Variants in DLG5 observed in about 807,000 individuals in gnomAD.
The protein encoded by DLG5 is disks large homolog 5.
In DLG5, 48 loss-of-function variants were observed where a neutral mutation model predicts 189.8. That is an observed-to-expected ratio of 0.25 (90% CI 0.20 to 0.32). The LOEUF (loss-of-function observed/expected upper bound fraction) is 0.32, where lower values mean the gene tolerates loss of function less well. Among genes scored for constraint, DLG5 ranks in the 10% least tolerant of loss-of-function variants. DLG5 has a pLI of 1.00. For missense variants in DLG5, 2,160 were observed against 2,544.7 expected (o/e 0.85, Z 3.25); for synonymous variants, 1,016 against 1,054.1 (o/e 0.96, Z 0.70).
Position 77,812,370 on chromosome 10 carries a change from C to T in DLG5, c.4033G>A (p.Val1345Met), listed in dbSNP as rs767197360. ...LGERRKDRPY[V>M]EEPRHVKVQK... Reference sequence around the variant, plus strand: ...ACCTTCACGTGGCGTGGCTCCTCCACATAAGGCCTAAGGAAAAGTCAAAAG... The same window carrying T: ...ACCTTCACGTGGCGTGGCTCCTCCATATAAGGCCTAAGGAAAAGTCAAAAG... Residue 1345 changes from valine to methionine, a missense_variant, in exon 21 of 32, where the codon GTG becomes ATG. Around this residue, in one of 5 missense-constraint regions of DLG5, gnomAD observed 754 missense variants for 746.5 expected, o/e 1.01. Coordinates refer to ENST00000372391, the MANE Select transcript of DLG5 (RefSeq NM_004747.4). 6.2e-6 allele frequency: 10 copies of T among 1,610,578 alleles called. No homozygotes were observed. The highest frequency in any genetic ancestry group is 1.7e-4 in the Middle Eastern group (1 of 6,052).
intron 27 of DLG5, among the ~76,000 whole-genome samples, chr10:77,800,889 C>T (rs1841170122): frequency 6.6e-6 from 1 of 152,030 alleles, no homozygotes; most frequent in African/African-American, 2.4e-5. Context: ...GCTGGGACCA[C>T]TGGTGGGCCA....
intron 4 of DLG5, 57 bp downstream of exon 4, chr10:77,854,170 G>A: frequency 6.3e-7 from 1 of 1,590,448 alleles, no homozygotes; most frequent in South Asian, 1.2e-5. Context: ...GAGAAAAGAA[G>A]GGCAAAGGCA....
At chr10:77,879,166 T>C (rs892313353) in intron 1 of DLG5, among the ~76,000 whole-genome samples, 1 of 152,194 alleles carries the variant, frequency 6.6e-6, no homozygotes, top group African/African-American at 2.4e-5. Context: ...GTGGCTATTG[T>C]ACAGCGGTGG....
chr10:77,807,940 C>T lies in DLG5; in HGVS notation c.4652G>A (p.Gly1551Asp). The change falls in exon 25 of 32, where the codon GGC (glycine) becomes GAC (aspartate). Residue 1551 changes from glycine (G) to aspartate (D), a missense_variant. Transcript: ENST00000372391. ...LVPGDLILEY[G>D]SLDVRNKTVE... is the part of the protein sequence containing the mutation. ...TGTCTTGTTCCGCACGTCCAGGCTGCCATACTGCCAGGGATGGGGGTGGAT... is the reference window on the plus strand; with the variant it reads ...TGTCTTGTTCCGCACGTCCAGGCTGTCATACTGCCAGGGATGGGGGTGGAT... 1 of 1,614,118 alleles carries T rather than the reference C, an allele frequency of 6.2e-7. No homozygotes were observed. The highest frequency in any genetic ancestry group is 8.5e-7 in the Non-Finnish European group (1 of 1,180,024).
At chr10:77,933,457 C>T in the DLG5 span, among the ~76,000 whole-genome samples, 1 of 151,954 alleles carries the variant, frequency 6.6e-6, no homozygotes, top group Non-Finnish European at 1.5e-5. Flanking sequence ...CCACGCTCGG[C>T]TAATTTTTGT....
chr10:77,875,595 T>C (rs1477508484), intron 1 of DLG5, among the ~76,000 whole-genome samples: 1 of 152,152 alleles, frequency 6.6e-6, no homozygotes, highest in Admixed American at 6.5e-5. Context: ...TGGGCAAGCC[T>C]GCACTCAAGA....
Position 77,821,438 on chromosome 10 carries a change from G to A in DLG5, c.3046C>T (p.Pro1016Ser). Residue 1016 changes from proline to serine, a missense_variant, in exon 15 of 32, where the codon CCC becomes TCC. Pro to Ser is a moderately conservative substitution (Grantham distance 74). Transcript: ENST00000372391. ...RAGPLTPPKP[P>S]RRSDSIKFQH... Reference sequence around the variant, plus strand: ...AACTTAATGGAGTCGCTCCTTCTGGGAGGTTTTGGGGGTGTCAGAGGCCCC... The same window carrying A: ...AACTTAATGGAGTCGCTCCTTCTGGAAGGTTTTGGGGGTGTCAGAGGCCCC... The A allele has an allele frequency of 6.2e-7, 1 of 1,612,902 alleles. No homozygotes were observed. The highest frequency in any genetic ancestry group is 8.5e-7 in the Non-Finnish European group (1 of 1,180,000).
chr10:77,855,970 C>CA (rs1844210347), intron 3 of DLG5, among the ~76,000 whole-genome samples: 4 of 152,298 alleles, frequency 2.6e-5, no homozygotes, highest in Non-Finnish European at 5.9e-5. Flanking sequence ...TCCCTGGTAT[C>CA]TACCTCTAAA....
rs201664908 is a variant in DLG5 at position 77,835,263 on chromosome 10, C to T, written c.1622+475G>A. Among the ~76,000 whole-genome samples the T allele has an allele frequency of 6.1e-4, 93 of 152,214 alleles. 1 individual carries two copies. The East Asian group carries it at 0.016, about 26-fold the overall frequency. ...TCTCTGGGGAGACCTCCCCACACCC[C>T]AGGGAGCCCTGCATGCCCCCCACAG... is the stretch of plus-strand genomic sequence containing the variant. On this transcript the variant is annotated intron_variant, in intron 8 of 31. Coordinates refer to ENST00000372391, the MANE Select transcript of DLG5 (RefSeq NM_004747.4).
intron 20 of DLG5, among the ~76,000 whole-genome samples, chr10:77,814,459 GTTTATATATATA>G (rs1209137656): frequency 2.7e-5 from 2 of 74,704 alleles, no homozygotes; most frequent in Non-Finnish European, 5.3e-5. Context: ...AATAAAGCAT[GTTTATATATATA>G]TATATATATA....
chr10:77,818,964 A>G (rs1274250867), intron 17 of DLG5, among the ~76,000 whole-genome samples: 3 of 152,212 alleles, frequency 2.0e-5, no homozygotes, highest in Non-Finnish European at 4.4e-5. Flanking sequence ...CCACCCTCTT[A>G]TGAAGTACCA....
chr10:77,933,229 T>C, the DLG5 span, among the ~76,000 whole-genome samples: 2 of 152,162 alleles, frequency 1.3e-5, no homozygotes, highest in Non-Finnish European at 2.9e-5. Flanking sequence ...TATTAAGGTT[T>C]ATCAGTGTGT....
At chr10:77,898,647 C>T (rs558424598) in intron 1 of DLG5, among the ~76,000 whole-genome samples, 9 of 152,258 alleles carry the variant, frequency 5.9e-5, no homozygotes, top group Non-Finnish European at 1.0e-4. Context: ...ACACGAGTCA[C>T]GCGGCTGGGC....
chr10:77,884,264 T>C (rs781700982), intron 1 of DLG5, among the ~76,000 whole-genome samples: 9 of 152,170 alleles, frequency 5.9e-5, no homozygotes, highest in African/African-American at 2.2e-4. Context: ...ATGCTATGCA[T>C]GGAGTCAATT....
intron 2 of DLG5, chr10:77,867,169 T>C (rs569877127): frequency 1.1e-5 from 5 of 434,810 alleles, no homozygotes; most frequent in African/African-American, 2.0e-5. Flanking sequence ...TATGCTGGGG[T>C]CCAGCTGCCC....
chr10:77,814,414 A>G (rs1841933946), intron 20 of DLG5, among the ~76,000 whole-genome samples: 2 of 147,598 alleles, frequency 1.4e-5, no homozygotes, highest in South Asian at 4.3e-4. Context: ...AGCTAAAAAC[A>G]TAATATTAAG....
intron 1 of DLG5, among the ~76,000 whole-genome samples, chr10:77,915,444 A>G (rs536330075): frequency 6.6e-6 from 1 of 152,312 alleles, no homozygotes; most frequent in East Asian, 1.9e-4. Flanking sequence ...TAATGTTTTA[A>G]TTTCCCAAAA....
intron 3 of DLG5, among the ~76,000 whole-genome samples, chr10:77,854,732 T>G (rs1454464576): frequency 6.6e-6 from 1 of 152,036 alleles, no homozygotes; most frequent in African/African-American, 2.4e-5. Flanking sequence ...GTGCCTGTAA[T>G]CCCAGCACTT....
Position 77,829,376 on chromosome 10 carries a change from T to C in DLG5, c.2164A>G (p.Ile722Val), listed in dbSNP as rs753034611. Residue 722 changes from isoleucine (I) to valine (V), a missense_variant, in exon 12 of 32, where the codon ATC becomes GTC. Coordinates refer to ENST00000372391, the MANE Select transcript of DLG5 (RefSeq NM_004747.4). ...CTACCTTTCTGTCCACTGAGGTTGA[T>C]GTGCAGCGGCGTGACCACCTTCCCA... The part of the protein sequence containing the change: ...LGGKVVTPLH[I>V]NLSGQKDSGI... The C allele has an allele frequency of 3.1e-6, 5 of 1,614,160 alleles. No homozygotes were observed. The highest frequency in any genetic ancestry group is 3.3e-5 in the Admixed American group (2 of 60,026).
Sources: allele counts gnomAD v4.1 joint callset (sites outside exome capture counted in the v4.1 genomes callset), GRCh38; gene constraint gnomAD v4.1.1; regional missense constraint gnomAD v4.1.1; transcripts MANE v1.5; gene names NCBI Gene and HGNC (gene_info 2026-07-23, HGNC 2026-07-21).